Variants in CNOT3 observed in about 807,000 individuals in gnomAD.
CNOT3 encodes the protein CCR4-NOT transcription complex subunit 3.
In CNOT3, 2 loss-of-function variants were observed where a neutral mutation model predicts 89.4. The observed-to-expected ratio is 0.02, with a 90% CI of 0.01 to 0.07. CNOT3 has a LOEUF of 0.07. Ranked by LOEUF, CNOT3 falls within the 10% of genes least tolerant of loss-of-function variation. The probability of loss-of-function intolerance (pLI) is 1.00; values close to 1 mark genes in which losing one functional copy is unlikely to be tolerated. For synonymous variants in CNOT3, 486 were observed against 402.0 expected, an observed-to-expected ratio of 1.21 and a Z score of -2.50; for missense variants, 664 against 1,010.2, an observed-to-expected ratio of 0.66 and a Z score of 4.65.
At position 54,144,864 on chromosome 19, in the gene CNOT3, G is replaced by C. The variant is rs1387732388; in HGVS notation, c.483+532G>C. Among the ~76,000 whole-genome samples, 1 of 152,144 alleles carries C rather than the reference G, an allele frequency of 6.6e-6. No homozygotes were observed. Among genetic ancestry groups the C allele is most frequent in the Non-Finnish European group, 1.5e-5 (1 of 68,026 alleles). On this transcript the variant is annotated intron_variant, in intron 7 of 17. Transcript: ENST00000221232. This position sits in a 1 kb window ranked among gnomAD's most constrained non-coding sequence, Gnocchi z 4.8. ...AAAGGGATACAAACTGTACAGACTTGCTGAAACCAGAAAGACAGGGAGGGG... is the reference window on the plus strand; with the variant it reads ...AAAGGGATACAAACTGTACAGACTTCCTGAAACCAGAAAGACAGGGAGGGG...
At chr19:54,143,372 G>A in intron 3 of CNOT3, 70 bp from the exon 4 acceptor site, 1 of 1,515,884 alleles carries the variant, frequency 6.6e-7, no homozygotes, top group Non-Finnish European at 9.2e-7. Context: ...CTAGCATAAG[G>A]AAGAATCACT....
Position 54,152,331 on chromosome 19 carries a change from G to A in CNOT3, c.1705+6G>A, listed in dbSNP as rs2075165050. On this transcript the variant is annotated splice_donor_region_variant and intron_variant, in intron 14 of 17. Transcript: ENST00000221232. The stretch of plus-strand genomic sequence containing the variant: ...GCTGCACCTGACCGAGCGAGGTGAG[G>A]GACCCAGGATGGTGGGGAAGCAGCG... The A allele has an allele frequency of 6.2e-7, 1 of 1,614,208 alleles. No homozygotes were observed. Among genetic ancestry groups the A allele is most frequent in the Admixed American group, 1.7e-5 (1 of 60,028 alleles).
At chr19:54,153,390 C>A (rs745676759) in intron 16 of CNOT3, 2 of 768,520 alleles carry the variant, frequency 2.6e-6, no homozygotes, top group South Asian at 2.7e-5. Flanking sequence ...CCCTCCCAAC[C>A]CCAGTGAGTC....
Position 54,148,873 on chromosome 19 carries a change from C to T in CNOT3, c.1406+130C>T, listed in dbSNP as rs1434694067. 2.7e-6 allele frequency: 2 copies of T among 743,020 alleles called. No homozygotes were observed. The highest frequency in any genetic ancestry group is 2.7e-5 in the East Asian group (1 of 36,454). The allele number at this position is 743,020 out of a possible 1,614,324, so 46.0% of individuals were successfully genotyped here. ...CTGCTGGGAATGGCCAAGCGCTATC[C>T]TCCATCTCCCTCGGGTGTTACACCC... On this transcript the variant is annotated intron_variant, in intron 12 of 17. Coordinates refer to ENST00000221232, the MANE Select transcript of CNOT3 (RefSeq NM_014516.4). This position sits in a 1 kb window ranked among gnomAD's most constrained non-coding sequence, Gnocchi z 6.3.
chr19:54,147,247 CA>C, intron 10 of CNOT3, among the ~76,000 whole-genome samples: 1 of 152,356 alleles, frequency 6.6e-6, no homozygotes, highest in Middle Eastern at 3.4e-3. Context: ...AACGCTGCTA[CA>C]GAACAATGTT....
At chr19:54,142,823 T>C (rs1156592555) in intron 1 of CNOT3, 106 bp from the exon 2 acceptor site, 14 of 720,986 alleles carry the variant, frequency 1.9e-5, no homozygotes, top group Non-Finnish European at 2.5e-5. Context: ...AAATGCTTCT[T>C]CTCTTTACCA....
In CNOT3 at chr19:54,143,530, G is replaced by C; in HGVS notation, c.168+14G>C. ...AAGAAGCTACAAGTGAGGGGGCTGG[G>C]GGCCTGGACGCCTTTGTCCTGAGGG... On this transcript the variant is annotated intron_variant, in intron 4 of 17. Transcript: ENST00000221232. The C allele has an allele frequency of 6.2e-7, 1 of 1,613,712 alleles. No individual in the cohort carries two copies. Among genetic ancestry groups the C allele is most frequent in the South Asian group, 1.1e-5 (1 of 91,080 alleles).
Sources: allele counts gnomAD v4.1 joint callset (sites outside exome capture counted in the v4.1 genomes callset), GRCh38; gene constraint gnomAD v4.1.1; non-coding constraint Gnocchi (gnomAD v3.1); transcripts MANE v1.5; gene names NCBI Gene and HGNC (gene_info 2026-07-23, HGNC 2026-07-21).